Variants in NUP37 observed in about 807,000 individuals in gnomAD.
NUP37 encodes the protein nucleoporin Nup37.
NUP37 carries 33 observed loss-of-function variants against 45.4 expected under a neutral mutation model. The observed-to-expected ratio is 0.73, with a 90% confidence interval of 0.55 to 0.97. The LOEUF (loss-of-function observed/expected upper bound fraction) is 0.97, where lower values mean the gene tolerates loss of function less well. Ranked by LOEUF, NUP37 falls within the 50% of genes least tolerant of loss-of-function variation. The pLI, the probability that NUP37 is intolerant of heterozygous loss-of-function variation, is 0.00. For missense variants in NUP37, 365 were observed against 389.7 expected, an observed-to-expected ratio of 0.94 and a Z score of 0.53; for synonymous variants, 127 against 130.7, an observed-to-expected ratio of 0.97 and a Z score of 0.19.
intron 3 of NUP37, 68 bp downstream of exon 3, chr12:102,112,040 A>C: frequency 1.4e-6 from 2 of 1,423,194 alleles, no homozygotes; most frequent in Non-Finnish European, 1.9e-6. Flanking sequence ...ATCTATGATC[A>C]GACTTCCAAT....
chr12:102,088,860 C>G (rs1276189098), intron 5 of NUP37, among the ~76,000 whole-genome samples: 2 of 151,028 alleles, frequency 1.3e-5, no homozygotes, highest in African/African-American at 4.9e-5. Flanking sequence ...TCCCTGCGGC[C>G]TTCCGCAGTG....
Position 102,120,076 on chromosome 12 carries a change from G to C in NUP37, c.-92C>G, listed in dbSNP as rs915513015. ...GCAGAGCGCCAGGAACCGACCAGAG[G>C]CAGGCTGGTCTTCCTTGGGGGCTGC... On this transcript the variant is annotated 5_prime_UTR_variant, in exon 1 of 10. Coordinates refer to ENST00000552283, the MANE Select transcript of NUP37 (RefSeq NM_024057.4). 1 of 159,042 alleles carries C rather than the reference G, an allele frequency of 6.3e-6. No individual in the cohort carries two copies. Among genetic ancestry groups the C allele is most frequent in the Non-Finnish European group, 1.4e-5 (1 of 71,454 alleles). 9.9% of individuals were successfully genotyped at this position (159,042 alleles called of 1,614,324 possible).
chr12:102,112,060 C>T (rs1264228218), intron 3 of NUP37, 48 bp downstream of exon 3: 1 of 1,566,206 alleles, frequency 6.4e-7, no homozygotes, highest in Non-Finnish European at 8.7e-7. Flanking sequence ...TCATGTAACA[C>T]AATCAAAGTA....
At chr12:102,107,454 G>A (rs1482225058) in intron 3 of NUP37, among the ~76,000 whole-genome samples, 4 of 152,172 alleles carry the variant, frequency 2.6e-5, no homozygotes, top group African/African-American at 9.7e-5. Context: ...AAGGGGAAAA[G>A]GAGGCGAAAG....
intron 6 of NUP37, among the ~76,000 whole-genome samples, chr12:102,080,140 T>G (rs61108535): frequency 0.011 from 1,698 of 152,234 alleles, 28 homozygotes; most frequent in African/African-American, 0.039. Context: ...AAAAGAGAAT[T>G]ATGAAAAAAT....
At chr12:102,074,931 G>A in intron 9 of NUP37, 70 bp downstream of exon 9, 4 of 883,976 alleles carry the variant, frequency 4.5e-6, no homozygotes, top group Non-Finnish European at 6.8e-6. Flanking sequence ...TTGGGGCTAT[G>A]AGTGGAAAAG....
chr12:102,092,339 C>G (rs1349086019), intron 5 of NUP37, among the ~76,000 whole-genome samples: 1 of 152,122 alleles, frequency 6.6e-6, no homozygotes, highest in Non-Finnish European at 1.5e-5. Flanking sequence ...TCACATGAAT[C>G]TGTGTATTGA....
At chr12:102,113,339 C>T (rs1594401744) in intron 2 of NUP37, among the ~76,000 whole-genome samples, 1 of 152,110 alleles carries the variant, frequency 6.6e-6, no homozygotes, top group African/African-American at 2.4e-5. Flanking sequence ...GAAAATCCTG[C>T]CATGCAAAAT....
chr12:102,077,501 T>G lies in NUP37; in HGVS notation c.543A>C (p.Leu181=). 16 of 1,611,662 alleles carry G rather than the reference T, an allele frequency of 9.9e-6. No homozygotes were observed. Among genetic ancestry groups the G allele is most frequent in the Non-Finnish European group, 1.1e-5 (13 of 1,179,516 alleles). ...TTGTTCCATTCTTCTCTGCAACCAT[T>G]AGCTGTAAGACAGAAAAATAAAAAG... ...VCWHPEETFK[L]MVAEKNGTIR... Residue 181 remains leucine, a splice_region_variant and synonymous_variant, in exon 7 of 10, where the codon CTA becomes CTC. Transcript: ENST00000552283.
intron 2 of NUP37, among the ~76,000 whole-genome samples, chr12:102,113,176 T>C (rs1594401689): frequency 6.6e-6 from 1 of 152,310 alleles, no homozygotes; most frequent in South Asian, 2.1e-4. Context: ...GTTATAAGGG[T>C]ATCTGCCTAC....
At position 102,112,202 on chromosome 12, in the gene NUP37, A is replaced by G. The variant is rs1424457978; in HGVS notation, c.187T>C (p.Tyr63His). Residue 63 changes from tyrosine (Y) to histidine (H), a missense_variant, in exon 3 of 10, where the codon TAT (tyrosine) becomes CAT (histidine). Tyr to His is a moderately conservative substitution (Grantham distance 83). Coordinates refer to ENST00000552283, the MANE Select transcript of NUP37 (RefSeq NM_024057.4). ...EEEADVEGIQYKTLRTFHHGV... is the reference protein window; with the variant it reads ...EEEADVEGIQHKTLRTFHHGV... ...TGGTGAAATGTTCGAAGTGTTTTAT[A>G]CTGAATGCCTTCAACGTCTGCTTCT... The G allele has an allele frequency of 6.2e-7, 1 of 1,613,574 alleles. No individual in the cohort carries two copies. Among genetic ancestry groups the G allele is most frequent in the Non-Finnish European group, 8.5e-7 (1 of 1,179,558 alleles).
At chr12:102,088,014 TGAG>T (rs1177682010) in intron 5 of NUP37, among the ~76,000 whole-genome samples, 13 of 152,116 alleles carry the variant, frequency 8.5e-5, no homozygotes, top group Admixed American at 8.5e-4. Flanking sequence ...GACTTAAAAA[TGAG>T]GAGGGTGATC....
chr12:102,080,437 G>A (rs999072043), intron 6 of NUP37, among the ~76,000 whole-genome samples: 1 of 151,942 alleles, frequency 6.6e-6, no homozygotes, highest in Non-Finnish European at 1.5e-5. Context: ...AAAACAAACA[G>A]AAAACAAAAA....
At chr12:102,091,397 CT>C (rs1341280469) in intron 5 of NUP37, among the ~76,000 whole-genome samples, 1 of 53,700 alleles carries the variant, frequency 1.9e-5, no homozygotes, top group African/African-American at 9.2e-5. Flanking sequence ...GAGACTCCGT[CT>C]CAAAAAAAAA....
intron 5 of NUP37, among the ~76,000 whole-genome samples, chr12:102,087,730 C>T (rs1419234251): frequency 6.6e-6 from 1 of 152,140 alleles, no homozygotes; most frequent in East Asian, 1.9e-4. Context: ...TGGTTTAAAA[C>T]CTCCATTCTT....
chr12:102,074,305 A>C lies in NUP37; in HGVS notation c.*49T>G. On this transcript the variant is annotated 3_prime_UTR_variant, in exon 10 of 10. Coordinates refer to ENST00000552283, the MANE Select transcript of NUP37 (RefSeq NM_024057.4). ...ATATGTACTATAGAAATTCTTCAAA[A>C]TATGTACTAAAAATACAAAGTTTGT... is the stretch of plus-strand genomic sequence containing the variant. 1 of 1,129,994 alleles carries C rather than the reference A, an allele frequency of 8.8e-7. No homozygotes were observed. Among genetic ancestry groups the C allele is most frequent in the Non-Finnish European group, 1.3e-6 (1 of 760,676 alleles). 70.0% of individuals were successfully genotyped at this position (1,129,994 alleles called of 1,614,324 possible). A position where few individuals can be genotyped will look rare whatever the true frequency, so the allele number is the denominator to read the frequency against.
intron 7 of NUP37, 105 bp downstream of exon 7, chr12:102,077,217 G>A (rs778272787): frequency 1.6e-4 from 195 of 1,187,270 alleles, no homozygotes; most frequent in Middle Eastern, 5.7e-4. Context: ...ACTTGCTTTC[G>A]CTTGACAGCA....
chr12:102,105,342 T>C (rs560684674), intron 3 of NUP37, among the ~76,000 whole-genome samples: 28 of 150,840 alleles, frequency 1.9e-4, no homozygotes, highest in African/African-American at 6.6e-4. Flanking sequence ...CTGGGTAACA[T>C]GGCAAAACCC....
intron 5 of NUP37, among the ~76,000 whole-genome samples, chr12:102,097,384 A>C (rs1879834619): frequency 6.6e-6 from 1 of 152,198 alleles, no homozygotes; most frequent in Non-Finnish European, 1.5e-5. Context: ...CTTACTCTTT[A>C]GTTATTCCTT....
Sources: allele counts gnomAD v4.1 joint callset (sites outside exome capture counted in the v4.1 genomes callset), GRCh38; gene constraint gnomAD v4.1.1; transcripts MANE v1.5; gene names NCBI Gene and HGNC (gene_info 2026-07-23, HGNC 2026-07-21).